Variants in DPYSL5 observed in about 807,000 individuals in gnomAD.
DPYSL5 encodes the protein dihydropyrimidinase-related protein 5.
Under a neutral mutation model 58.4 loss-of-function variants are expected in DPYSL5, and 9 were observed. The ratio of observed to expected loss-of-function variants is 0.15; its 90% CI spans 0.09 to 0.27. DPYSL5 has a LOEUF of 0.27. DPYSL5 is among the 10% of genes least tolerant of loss of function. DPYSL5 has a pLI of 1.00. For synonymous variants in DPYSL5, 293 were observed against 301.9 expected (o/e 0.97, Z 0.31); for missense variants, 499 against 770.6 (o/e 0.65, Z 4.17).
chr2:26,918,922 C>A (rs2148153201), intron 2 of DPYSL5, among the ~76,000 whole-genome samples: 1 of 152,272 alleles, frequency 6.6e-6, no homozygotes, highest in East Asian at 1.9e-4. Flanking sequence ...TGTGCCTTGA[C>A]CAGGTTCTTG....
chr2:26,913,074 T>C (rs1028323840), intron 2 of DPYSL5, among the ~76,000 whole-genome samples: 12 of 152,238 alleles, frequency 7.9e-5, no homozygotes, highest in African/African-American at 1.2e-4. Flanking sequence ...AAAAAGTATT[T>C]ATTGTGTAAA....
In DPYSL5 at chr2:26,906,842, C is replaced by T. The variant is rs944171183; in HGVS notation, c.261+8082C>T. On this transcript the variant is annotated intron_variant, in intron 2 of 12. Coordinates refer to ENST00000288699, the MANE Select transcript of DPYSL5 (RefSeq NM_020134.4). ...GTGGCATGATCATAGCTCACTGTGGCGTCAACCACCTGGGCTCAAGCCATA... is the reference window on the plus strand; with the variant it reads ...GTGGCATGATCATAGCTCACTGTGGTGTCAACCACCTGGGCTCAAGCCATA... Among the ~76,000 whole-genome samples, 7 of 152,076 alleles carry T rather than the reference C, an allele frequency of 4.6e-5. No individual in the cohort carries two copies. The East Asian group carries it at 5.8e-4, about 13-fold the overall frequency.
Position 26,849,407 on chromosome 2 carries a change from G to A in DPYSL5, c.-5+1153G>A, listed in dbSNP as rs1665689272. 6.6e-6 allele frequency among the ~76,000 whole-genome samples: 1 copy of A among 152,100 alleles called. No individual in the cohort carries two copies. Among genetic ancestry groups the A allele is most frequent in the Non-Finnish European group, 1.5e-5 (1 of 68,004 alleles). ...CCGAGGATCCTCAGCTCCAGGCGCG[G>A]GGCCCCGCGGCCCAGGTGGCCGGCT... is the stretch of plus-strand genomic sequence containing the variant. On this transcript the variant is annotated intron_variant, in intron 1 of 12. Coordinates refer to ENST00000288699, the MANE Select transcript of DPYSL5 (RefSeq NM_020134.4). The surrounding 1 kb of genome is among the most constrained non-coding windows in gnomAD (Gnocchi z 6.2).
At chr2:26,852,206 A>G (rs1193552632) in intron 1 of DPYSL5, among the ~76,000 whole-genome samples, 3 of 152,264 alleles carry the variant, frequency 2.0e-5, no homozygotes, top group Non-Finnish European at 4.4e-5. Flanking sequence ...GAAGTCCTGT[A>G]GGGAAAACTT....
intron 6 of DPYSL5, among the ~76,000 whole-genome samples, chr2:26,932,097 G>GGAAAAA (rs1558351260): frequency 0.056 from 1,512 of 27,038 alleles, 206 homozygotes; most frequent in Middle Eastern, 0.1. Context: ...AAAAAAGAAA[G>GGAAAAA]AGAAAGAAAG....
intron 2 of DPYSL5, among the ~76,000 whole-genome samples, chr2:26,904,383 T>C (rs34292011): frequency 0.028 from 4,329 of 152,336 alleles, 71 homozygotes; most frequent in Non-Finnish European, 0.043. Context: ...CCTTTCTTCT[T>C]TTTCTTCAAC....
At chr2:26,899,710 A>G (rs1292805820) in intron 2 of DPYSL5, among the ~76,000 whole-genome samples, 1 of 152,216 alleles carries the variant, frequency 6.6e-6, no homozygotes, top group African/African-American at 2.4e-5. Flanking sequence ...GCTGCAGACC[A>G]GACCCTTGGA....
At chr2:26,900,020 C>T (rs968792957) in intron 2 of DPYSL5, among the ~76,000 whole-genome samples, 126 of 152,334 alleles carry the variant, frequency 8.3e-4, no homozygotes, top group African/African-American at 2.9e-3. Context: ...TCACCATCCT[C>T]AGGCACTGAG....
At position 26,877,829 on chromosome 2, in the gene DPYSL5, TA is replaced by T. The variant is rs1416639101; in HGVS notation, c.-4-20665del. Among the ~76,000 whole-genome samples the T allele has an allele frequency of 6.6e-6, 1 of 152,198 alleles. No homozygotes were observed. Among genetic ancestry groups the T allele is most frequent in the Non-Finnish European group, 1.5e-5 (1 of 68,038 alleles). The stretch of plus-strand genomic sequence containing the variant: ...TCCTGTAAACTACTTTCTTCACTCA[TA>T]ACCTCCCATGTCAATACTTAGAGAT... On this transcript the variant is annotated intron_variant, in intron 1 of 12. Coordinates refer to ENST00000288699, the MANE Select transcript of DPYSL5 (RefSeq NM_020134.4). The surrounding 1 kb of genome is among the most constrained non-coding windows in gnomAD (Gnocchi z 4.1).
chr2:26,889,565 C>G (rs982216578), intron 1 of DPYSL5, among the ~76,000 whole-genome samples: 1 of 152,090 alleles, frequency 6.6e-6, no homozygotes, highest in Admixed American at 6.5e-5. Context: ...CCACCGCGCC[C>G]GGCCTGGAGA....
chr2:26,862,594 A>T (rs1391958765), intron 1 of DPYSL5, among the ~76,000 whole-genome samples: 1 of 151,840 alleles, frequency 6.6e-6, no homozygotes, highest in Non-Finnish European at 1.5e-5. Context: ...TTTGTTGATT[A>T]TTTTTCTTCT....
Position 26,924,770 on chromosome 2 carries a change from C to T in DPYSL5, c.262-117C>T. 1 of 1,393,110 alleles carries T rather than the reference C, an allele frequency of 7.2e-7. No individual in the cohort carries two copies. The highest frequency in any genetic ancestry group is 2.6e-5 in the East Asian group (1 of 38,766). The allele number at this position is 1,393,110 out of a possible 1,614,324, so 86.3% of individuals were successfully genotyped here. On this transcript the variant is annotated intron_variant, in intron 2 of 12. Coordinates refer to ENST00000288699, the MANE Select transcript of DPYSL5 (RefSeq NM_020134.4). The surrounding 1 kb of genome is among the most constrained non-coding windows in gnomAD (Gnocchi z 4.7). ...CAAACCTCGCTGCCCTTGGTCCTCA[C>T]AGCCTCTTGTGAGGCAGGGCCTGTC...
At chr2:26,854,256 C>T (rs1019817052) in intron 1 of DPYSL5, among the ~76,000 whole-genome samples, 1 of 151,954 alleles carries the variant, frequency 6.6e-6, no homozygotes, top group African/African-American at 2.4e-5. Context: ...GTCAGGAGTT[C>T]GAGACCAGCC....
At chr2:26,883,120 G>A (rs971679404) in intron 1 of DPYSL5, among the ~76,000 whole-genome samples, 2 of 152,020 alleles carry the variant, frequency 1.3e-5, no homozygotes, top group African/African-American at 4.8e-5. Context: ...GAAACATGCA[G>A]AAAATATATG....
chr2:26,876,768 G>A (rs1221280597), intron 1 of DPYSL5, among the ~76,000 whole-genome samples: 5 of 151,814 alleles, frequency 3.3e-5, no homozygotes, highest in Admixed American at 6.6e-5. Flanking sequence ...CGCCCACCTC[G>A]GCCTCCCAAA....
At chr2:26,939,738 T>A (rs1272119505) in intron 8 of DPYSL5, 1 of 335,250 alleles carries the variant, frequency 3.0e-6, no homozygotes, top group Non-Finnish European at 5.6e-6. Context: ...TCAGCTAGAC[T>A]CTAAGTTCGG....
chr2:26,890,849 C>T (rs763157876), intron 1 of DPYSL5, among the ~76,000 whole-genome samples: 4 of 152,202 alleles, frequency 2.6e-5, no homozygotes, highest in Non-Finnish European at 5.9e-5. Flanking sequence ...CACGGCCTTT[C>T]TTCTGTTCCT....
rs1351593946 is a variant in DPYSL5, at chr2:26,942,406, A to G, written c.1233-137A>G. ...GCCATGTTCTGAGGTTCTGGGTGTT[A>G]GAACTTCAGCAGAAGAATTTTGAAG... On this transcript the variant is annotated intron_variant, in intron 10 of 12. Transcript: ENST00000288699. The surrounding 1 kb of genome is among the most constrained non-coding windows in gnomAD (Gnocchi z 5.9). The G allele has an allele frequency of 4.9e-6, 5 of 1,027,832 alleles. No homozygotes were observed. Among genetic ancestry groups the G allele is most frequent in the African/African-American group, 1.6e-5 (1 of 62,194 alleles). 63.7% of individuals were successfully genotyped at this position (1,027,832 alleles called of 1,614,324 possible). A position where few individuals can be genotyped will look rare whatever the true frequency, so the allele number is the denominator to read the frequency against.
At chr2:26,928,359 C>G (rs200934225) in intron 5 of DPYSL5, 36 bp downstream of exon 5, 31 of 1,604,918 alleles carry the variant, frequency 1.9e-5, no homozygotes, top group Non-Finnish European at 2.5e-5. Flanking sequence ...GTCAGCGTCT[C>G]TCATGTAGAT....
Sources: gnomAD v4.1 joint callset for allele counts (sites outside exome capture counted in the v4.1 genomes callset) on GRCh38, gnomAD v4.1.1 for gene constraint, Gnocchi (gnomAD v3.1) non-coding constraint, MANE v1.5 for transcripts, NCBI Gene and HGNC (gene_info 2026-07-23, HGNC 2026-07-21) for gene names.